RUFY4: variants seen among roughly 807,000 people sequenced by gnomAD.
The protein encoded by RUFY4 is RUN and FYVE domain-containing protein 4.
RUFY4 carries 73 observed loss-of-function variants against 69.0 expected under a neutral mutation model. The observed-to-expected ratio is 1.06, with a 90% confidence interval of 0.88 to 1.29. The LOEUF (loss-of-function observed/expected upper bound fraction) is 1.29. Among genes scored for constraint, RUFY4 ranks in the 50% most tolerant of loss-of-function variants. RUFY4 has a pLI of 0.00. For missense variants in RUFY4, 770 were observed against 705.6 expected (o/e 1.09, Z -1.03); for synonymous variants, 287 against 271.8 (o/e 1.06, Z -0.55).
chr2:218,060,391 C>T (rs1357531267), intron 3 of RUFY4: 9 of 1,555,810 alleles, frequency 5.8e-6, no homozygotes, highest in South Asian at 4.9e-5. Flanking sequence ...GGAAGGCCTG[C>T]TGTCTTTGGG....
chr2:218,062,733 T>C (rs1046144976), intron 3 of RUFY4, among the ~76,000 whole-genome samples: 7 of 151,926 alleles, frequency 4.6e-5, no homozygotes, highest in African/African-American at 1.7e-4. Flanking sequence ...TAACATAACA[T>C]AAAATAAAAA....
chr2:218,079,886 A>T (rs981522818), intron 8 of RUFY4, among the ~76,000 whole-genome samples: 2 of 152,116 alleles, frequency 1.3e-5, no homozygotes, highest in East Asian at 1.9e-4. Flanking sequence ...AGATAAACAG[A>T]TAGCAATCCA....
chr2:218,039,084 A>T (rs1959022508), intron 2 of RUFY4, among the ~76,000 whole-genome samples: 1 of 152,196 alleles, frequency 6.6e-6, no homozygotes, highest in Non-Finnish European at 1.5e-5. Context: ...AAGATAAACC[A>T]ACATCGGTAA....
chr2:218,035,344 C>A (rs1958957769), exon 2 of RUFY4: 1 of 152,194 alleles, frequency 6.6e-6, no homozygotes, highest in African/African-American at 2.4e-5. Context: ...GCTGCCGAGA[C>A]CATCAGTCCA....
At chr2:218,060,041 C>A in intron 3 of RUFY4, 1 of 244,734 alleles carries the variant, frequency 4.1e-6, no homozygotes, top group Non-Finnish European at 8.6e-6. Context: ...GTATGCAGAG[C>A]TGTCTCACTG....
At chr2:218,078,997 A>G (rs1689699658) in intron 8 of RUFY4, among the ~76,000 whole-genome samples, 1 of 152,172 alleles carries the variant, frequency 6.6e-6, no homozygotes, top group Non-Finnish European at 1.5e-5. Flanking sequence ...CCTCCCGAGT[A>G]GCTGGGATTA....
At chr2:218,057,813 A>G (rs1478237186) in intron 2 of RUFY4, among the ~76,000 whole-genome samples, 1 of 152,224 alleles carries the variant, frequency 6.6e-6, no homozygotes, top group African/African-American at 2.4e-5. Context: ...GGCTTCTTCC[A>G]CTTAGCAGAA....
At chr2:218,051,779 T>C (rs1047687009) in intron 2 of RUFY4, among the ~76,000 whole-genome samples, 1 of 152,160 alleles carries the variant, frequency 6.6e-6, no homozygotes, top group East Asian at 1.9e-4. Context: ...GGCACAGGGC[T>C]GGAGACTGGT....
At chr2:218,061,467 A>T (rs78231757) in intron 3 of RUFY4, 2 of 185,704 alleles carry the variant, frequency 1.1e-5, no homozygotes, top group East Asian at 2.8e-4. Context: ...TTATTGCACA[A>T]TAAACCTTAC....
At chr2:218,089,981 G>T in exon 11 of RUFY4, 1 of 1,567,890 alleles carries the variant, frequency 6.4e-7, no homozygotes, top group Non-Finnish European at 8.6e-7. Flanking sequence ...TGCCATGCTT[G>T]CTCCATGGAT....
chr2:218,035,115 C>G (rs1256861255), exon 1 of RUFY4: 1 of 152,568 alleles, frequency 6.6e-6, no homozygotes, highest in Admixed American at 6.5e-5. Flanking sequence ...TTCTTCCCTG[C>G]GCAGTCACTA....
upstream of RUFY4, among the ~76,000 whole-genome samples, chr2:218,068,205 G>GACT (rs1559429766): frequency 1.7e-4 from 17 of 97,792 alleles, no homozygotes; most frequent in African/African-American, 5.1e-4. Context: ...GAGGGCAGGG[G>GACT]GCTGGAGGAT....
intron 9 of RUFY4, among the ~76,000 whole-genome samples, chr2:218,088,466 AAAAAG>A (rs894806714): frequency 1.3e-5 from 2 of 152,094 alleles, no homozygotes; most frequent in Non-Finnish European, 2.9e-5. Flanking sequence ...AAAAAAAAAA[AAAAAG>A]AAAAGAAAAA....
At chr2:218,062,865 C>A (rs1433061202) in intron 3 of RUFY4, among the ~76,000 whole-genome samples, 3 of 152,206 alleles carry the variant, frequency 2.0e-5, no homozygotes, top group African/African-American at 4.8e-5. Flanking sequence ...ACACAGCCAG[C>A]CTGCACCCCA....
chr2:218,070,530 G>A (rs1689461354), exon 1 of RUFY4: 2 of 1,249,950 alleles, frequency 1.6e-6, no homozygotes, highest in Admixed American at 2.0e-5. Context: ...TAAGGAGAGA[G>A]CTGGGCAGTG....
intron 2 of RUFY4, among the ~76,000 whole-genome samples, chr2:218,049,794 C>T (rs193273943): frequency 5.9e-5 from 9 of 152,328 alleles, no homozygotes; most frequent in Middle Eastern, 3.4e-3. Flanking sequence ...AGGCGTGAGC[C>T]ACCGTGCCCA....
At chr2:218,064,132 C>T (rs1218731651) in intron 3 of RUFY4, among the ~76,000 whole-genome samples, 1 of 152,184 alleles carries the variant, frequency 6.6e-6, no homozygotes, top group African/African-American at 2.4e-5. Context: ...ACTGCCATCT[C>T]CCTGGGAAAT....
chr2:218,056,409 G>A (rs1011040922), intron 2 of RUFY4, among the ~76,000 whole-genome samples: 9 of 152,068 alleles, frequency 5.9e-5, no homozygotes, highest in African/African-American at 1.9e-4. Flanking sequence ...TGCCCTGAGA[G>A]AGCTTTTTTC....
intron 6 of RUFY4, among the ~76,000 whole-genome samples, chr2:218,074,642 T>C (rs1559433674): frequency 6.6e-6 from 1 of 152,200 alleles, no homozygotes; most frequent in Non-Finnish European, 1.5e-5. Context: ...GCACAGAGGC[T>C]TCTTGAGAGG....
Sources: allele counts gnomAD v4.1 joint callset (sites outside exome capture counted in the v4.1 genomes callset), GRCh38; gene constraint gnomAD v4.1.1; transcripts MANE v1.5; gene names NCBI Gene and HGNC (gene_info 2026-07-23, HGNC 2026-07-21).